The following LIG3 variants were observed in gnomAD, a reference collection of about 807,000 sequenced individuals.
LIG3 encodes the protein DNA ligase 3, also known as ligase II, DNA, ATP-dependent.
A neutral mutation model predicts 110.9 loss-of-function variants in LIG3; 58 were observed. The observed-to-expected ratio is 0.52, with a 90% CI of 0.42 to 0.65. The LOEUF (loss-of-function observed/expected upper bound fraction) is 0.65, where lower values mean the gene tolerates loss of function less well. Ranked by LOEUF, LIG3 falls within the 30% of genes least tolerant of loss-of-function variation. LIG3 has a pLI of 0.00. For missense variants in LIG3, 1,094 were observed against 1,273.8 expected (o/e 0.86, Z 2.15); for synonymous variants, 422 against 472.8 (o/e 0.89, Z 1.39).
Position 34,998,683 on chromosome 17 carries a change from C to T in LIG3, c.2069C>T (p.Ala690Val), listed in dbSNP as rs1275231443. Residue 690 changes from alanine (A) to valine (V), a missense_variant, in exon 14 of 20, where the codon GCT becomes GTT. Physicochemically the swap from Ala to Val is moderately conservative, Grantham distance 64 (BLOSUM62 0). Coordinates refer to ENST00000378526, the MANE Select transcript of LIG3 (RefSeq NM_013975.4). ...YLNEGAMADT[A>V]DLVVLGAFYG... The stretch of plus-strand genomic sequence containing the variant: ...AACGAGGGGGCCATGGCCGACACAG[C>T]TGACCTGGTGGTCCTTGGAGCCTTC... The T allele has an allele frequency of 1.2e-6, 2 of 1,614,168 alleles. No homozygotes were observed. The highest frequency in any genetic ancestry group is 1.7e-6 in the Non-Finnish European group (2 of 1,180,004).
chr17:34,996,322 C>T, intron 10 of LIG3, 127 bp downstream of exon 10: 2 of 1,190,788 alleles, frequency 1.7e-6, no homozygotes, highest in South Asian at 1.5e-5. Context: ...CGCTTCTGAC[C>T]TGTTTCTGGT....
intron 3 of LIG3, among the ~76,000 whole-genome samples, chr17:34,986,518 C>T (rs1349487325): frequency 4.6e-5 from 7 of 152,200 alleles, no homozygotes; most frequent in Middle Eastern, 3.4e-3. Flanking sequence ...GATGGGGTTT[C>T]GCCACGTTGG....
At chr17:34,994,179 G>A (rs1466675150) in intron 8 of LIG3, 97 bp from the exon 9 acceptor site, 11 of 1,184,410 alleles carry the variant, frequency 9.3e-6, no homozygotes, top group Non-Finnish European at 1.3e-5. Flanking sequence ...CAAGACCCAG[G>A]TAACTACCCT....
chr17:34,992,141 C>A, intron 7 of LIG3, 106 bp downstream of exon 7: 1 of 946,730 alleles, frequency 1.1e-6, no homozygotes, highest in South Asian at 1.4e-5. Context: ...AATCCCCCTT[C>A]CACCTTCTTA....
chr17:34,997,973 C>T, intron 12 of LIG3, 148 bp downstream of exon 12: 1 of 690,582 alleles, frequency 1.4e-6, no homozygotes, highest in Middle Eastern at 2.4e-4. Context: ...CATATGTTGC[C>T]TGCTAGTCTT....
rs775074898 is a variant in LIG3 at position 35,004,322 on chromosome 17, C to A, written c.2846C>A (p.Thr949Lys). ...TGVRLYLPPS[T>K]PDFSRLRRYF... The stretch of plus-strand genomic sequence containing the variant: ...GTGCGGCTTTACTTGCCACCCTCCA[C>A]ACCAGACTTCAGCCGTCTCAGACGC... The change falls in exon 20 of 20, where the codon ACA (threonine) becomes AAA (lysine). Residue 949 changes from threonine (T) to lysine (K), a missense_variant. Coordinates refer to ENST00000378526, the MANE Select transcript of LIG3 (RefSeq NM_013975.4). 2 of 1,614,070 alleles carry A rather than the reference C, an allele frequency of 1.2e-6. No individual in the cohort carries two copies. The highest frequency in any genetic ancestry group is 1.6e-4 in the Middle Eastern group (1 of 6,082).
intron 11 of LIG3, chr17:34,996,926 C>G: frequency 7.2e-6 from 3 of 418,792 alleles, no homozygotes; most frequent in East Asian, 3.9e-5. Context: ...GAAACCCAAA[C>G]CCCCAAAGAA....
chr17:35,005,633 T>TCA lies in LIG3; in HGVS notation c.*1128_*1129dup, dbSNP rs2090890019. On this transcript the variant is annotated 3_prime_UTR_variant, in exon 20 of 20. Coordinates refer to ENST00000378526, the MANE Select transcript of LIG3 (RefSeq NM_013975.4). The stretch of plus-strand genomic sequence containing the variant: ...TCGAATGCACCAAATATCCCAAAAC[T>TCA]CAATCGATTTTTTTTCTTCTATTCA... 1 of 576,082 alleles carries TCA rather than the reference T, an allele frequency of 1.7e-6. No homozygotes were observed. Among genetic ancestry groups the TCA allele is most frequent in the Non-Finnish European group, 3.5e-6 (1 of 286,374 alleles). 35.7% of individuals were successfully genotyped at this position (576,082 alleles called of 1,614,324 possible).
At position 35,009,515 on chromosome 17, in the gene LIG3, A is replaced by G. The variant is rs2142307315; in HGVS notation, c.*5009A>G. 6.6e-6 allele frequency: 1 copy of G among 151,976 alleles called. No homozygotes were observed. The highest frequency in any genetic ancestry group is 2.4e-5 in the African/African-American group (1 of 41,444). 9.4% of individuals were successfully genotyped at this position (151,976 alleles called of 1,614,324 possible). Reference sequence around the variant, plus strand: ...AGATTTAAAAAAAATCAAATTTTAGACCTTGGTTAAATATTAACTGGAATG... The same window carrying G: ...AGATTTAAAAAAAATCAAATTTTAGGCCTTGGTTAAATATTAACTGGAATG... On this transcript the variant is annotated 3_prime_UTR_variant, in exon 20 of 20. Transcript: ENST00000378526.
rs767520054 is a variant in LIG3 at position 34,998,590 on chromosome 17, T to G, written c.1990-14T>G. On this transcript the variant is annotated splice_polypyrimidine_tract_variant and intron_variant, in intron 13 of 19. Coordinates refer to ENST00000378526, the MANE Select transcript of LIG3 (RefSeq NM_013975.4). ...GCCTTTCTATTCTGTGGTCTCTCTT[T>G]TGCTTCCCTTCAGGGTACATATGAG... 7 of 1,612,340 alleles carry G rather than the reference T, an allele frequency of 4.3e-6. No individual in the cohort carries two copies. In the South Asian group the frequency reaches 6.6e-5, roughly 15 times the overall value.
intron 10 of LIG3, 180 bp from the exon 11 acceptor site, chr17:34,996,394 C>T (rs2090778018): frequency 2.5e-6 from 2 of 797,122 alleles, no homozygotes; most frequent in East Asian, 2.6e-5. Flanking sequence ...CAGTTTATAA[C>T]TGGGTTGGTT....
chr17:34,994,788 CA>C (rs1425078666), intron 9 of LIG3, among the ~76,000 whole-genome samples: 1 of 152,112 alleles, frequency 6.6e-6, no homozygotes, highest in East Asian at 1.9e-4. Context: ...GCTTATATAC[CA>C]GGGGCTATTG....
chr17:34,995,175 A>G (rs1467937642), intron 9 of LIG3, among the ~76,000 whole-genome samples: 1 of 152,160 alleles, frequency 6.6e-6, no homozygotes, highest in African/African-American at 2.4e-5. Flanking sequence ...GTTCAGGGGA[A>G]CATGTTGTGT....
At chr17:35,000,941 C>T (rs2090834469) in intron 16 of LIG3, among the ~76,000 whole-genome samples, 1 of 149,958 alleles carries the variant, frequency 6.7e-6, no homozygotes, top group South Asian at 2.1e-4. Context: ...TTTTTTGAGA[C>T]AGTCTCGTTC....
At position 35,005,813 on chromosome 17, in the gene LIG3, C is replaced by A. The variant is rs1229675404; in HGVS notation, c.*1307C>A. 2.8e-5 allele frequency: 13 copies of A among 465,074 alleles called. No homozygotes were observed. Among genetic ancestry groups the A allele is most frequent in the Non-Finnish European group, 5.1e-5 (12 of 234,724 alleles). The allele number at this position is 465,074 out of a possible 1,614,324, so 28.8% of individuals were successfully genotyped here. ...ATGAAGTTCTAAAGGCTGTACCAAT[C>A]CTCCAATATGAAATGTGGGAAAGAA... is the stretch of plus-strand genomic sequence containing the variant. On this transcript the variant is annotated 3_prime_UTR_variant, in exon 20 of 20. Transcript: ENST00000378526.
intron 11 of LIG3, chr17:34,997,433 T>A (rs1390098833): frequency 3.3e-6 from 1 of 307,314 alleles, no homozygotes; most frequent in African/African-American, 2.1e-5. Context: ...GGAGTCGTAT[T>A]TCAAGTGGGA....
intron 4 of LIG3, 140 bp from the exon 5 acceptor site, chr17:34,990,823 G>C: frequency 1.4e-6 from 1 of 708,060 alleles, no homozygotes; most frequent in Non-Finnish European, 2.3e-6. Flanking sequence ...TCTCAAACTT[G>C]TGAGCTTAAG....
chr17:34,983,633 T>A, intron 2 of LIG3, 81 bp downstream of exon 2: 1 of 1,330,642 alleles, frequency 7.5e-7, no homozygotes, highest in Non-Finnish European at 1.0e-6. Context: ...TTCTTTCTCT[T>A]TTTTTTAACT....
chr17:35,002,286 C>T (rs1330091772), intron 18 of LIG3, among the ~76,000 whole-genome samples, 182 bp downstream of exon 18: 2 of 152,144 alleles, frequency 1.3e-5, no homozygotes, highest in African/African-American at 4.8e-5. Flanking sequence ...TTCTGCTGGG[C>T]ACCCTGTATC....
Sources: gnomAD v4.1 joint callset for allele counts (sites outside exome capture counted in the v4.1 genomes callset) on GRCh38, gnomAD v4.1.1 for gene constraint, MANE v1.5 for transcripts, NCBI Gene and HGNC (gene_info 2026-07-23, HGNC 2026-07-21) for gene names.